HMBOX1: variants seen among roughly 807,000 people sequenced by gnomAD.
The protein encoded by HMBOX1 is homeobox-containing protein 1.
A neutral mutation model predicts 54.5 loss-of-function variants in HMBOX1; 14 were observed. That is an observed-to-expected ratio of 0.26 (90% CI 0.17 to 0.40). The LOEUF is 0.40. Ranked by LOEUF, HMBOX1 falls within the 10% of genes least tolerant of loss-of-function variation. HMBOX1 has a pLI of 1.00. For synonymous variants in HMBOX1, 160 were observed against 181.0 expected (o/e 0.88, Z 0.93); for missense variants, 332 against 514.4 (o/e 0.65, Z 3.43).
chr8:29,038,291 T>C (rs1804239757), intron 6 of HMBOX1, among the ~76,000 whole-genome samples: 1 of 152,222 alleles, frequency 6.6e-6, no homozygotes, highest in African/African-American at 2.4e-5. Context: ...TCATTTGGTT[T>C]CTCCCTGTGA....
At chr8:29,021,351 A>C (rs1196581595) in intron 6 of HMBOX1, among the ~76,000 whole-genome samples, 3 of 152,134 alleles carry the variant, frequency 2.0e-5, no homozygotes, top group Non-Finnish European at 4.4e-5. Context: ...AAAATCTAAA[A>C]ACAATAAAGG....
intron 1 of HMBOX1, among the ~76,000 whole-genome samples, chr8:28,900,307 C>A (rs1813015673): frequency 7.5e-6 from 1 of 132,490 alleles, no homozygotes; most frequent in Admixed American, 7.8e-5. Flanking sequence ...TTCCTGAGTT[C>A]TACCCCCAGA....
chr8:28,968,980 C>T (rs889228855), intron 2 of HMBOX1, among the ~76,000 whole-genome samples: 1 of 152,088 alleles, frequency 6.6e-6, no homozygotes, highest in African/African-American at 2.4e-5. Context: ...TTGAGATCAG[C>T]CTGGCCAACA....
intron 1 of HMBOX1, among the ~76,000 whole-genome samples, chr8:28,942,778 G>GT (rs1408163201): frequency 1.3e-5 from 2 of 151,942 alleles, no homozygotes; most frequent in Non-Finnish European, 2.9e-5. Flanking sequence ...CATTTAGGGT[G>GT]TTTCTGATCT....
At chr8:29,030,999 C>A (rs199570028) in intron 6 of HMBOX1, among the ~76,000 whole-genome samples, 1 of 152,298 alleles carries the variant, frequency 6.6e-6, no homozygotes, top group Middle Eastern at 3.4e-3. Context: ...GAATTGCTTC[C>A]TTCTTCCTTA....
intron 5 of HMBOX1, chr8:29,009,586 A>G: frequency 1.3e-6 from 1 of 780,382 alleles, no homozygotes; most frequent in Non-Finnish European, 1.5e-6. Flanking sequence ...TAATATTTTT[A>G]TTTAATTCAT....
chr8:29,025,054 A>G (rs1395454508), intron 6 of HMBOX1, among the ~76,000 whole-genome samples: 1 of 152,200 alleles, frequency 6.6e-6, no homozygotes, highest in Non-Finnish European at 1.5e-5. Context: ...TAGAGGAGGA[A>G]TAGATGGAGG....
chr8:28,990,892 G>C (rs1007876450), intron 4 of HMBOX1, among the ~76,000 whole-genome samples: 1 of 152,128 alleles, frequency 6.6e-6, no homozygotes, highest in Non-Finnish European at 1.5e-5. Flanking sequence ...GACTTCAAGT[G>C]ATCTGCCCAC....
At chr8:29,050,784 T>C (rs2133411266) in intron 9 of HMBOX1, 2 of 513,484 alleles carry the variant, frequency 3.9e-6, no homozygotes. Flanking sequence ...TTCTCAGTGA[T>C]GAAAAACATT....
intron 1 of HMBOX1, among the ~76,000 whole-genome samples, chr8:28,959,525 A>G (rs893275714): frequency 3.3e-5 from 5 of 152,244 alleles, no homozygotes; most frequent in African/African-American, 1.2e-4. Flanking sequence ...GTAAAACAGC[A>G]GATAAAGTGG....
intron 6 of HMBOX1, among the ~76,000 whole-genome samples, chr8:29,020,991 A>G (rs1801058194): frequency 6.6e-6 from 1 of 152,178 alleles, no homozygotes; most frequent in South Asian, 2.1e-4. Flanking sequence ...CCTGGGCAAC[A>G]TAGCAAAACC....
chr8:28,935,535 G>A (rs1820256495), intron 1 of HMBOX1, among the ~76,000 whole-genome samples: 2 of 152,128 alleles, frequency 1.3e-5, no homozygotes, highest in Non-Finnish European at 2.9e-5. Context: ...ACTATATACA[G>A]AAATTAAGTT....
chr8:28,985,140 T>TA (rs1466692640), intron 4 of HMBOX1, among the ~76,000 whole-genome samples: 1 of 152,180 alleles, frequency 6.6e-6, no homozygotes, highest in African/African-American at 2.4e-5. Flanking sequence ...TCTAACAAAA[T>TA]ACCATGAACT....
chr8:28,967,258 A>T (rs908280218), intron 2 of HMBOX1, among the ~76,000 whole-genome samples: 8 of 152,244 alleles, frequency 5.3e-5, no homozygotes, highest in African/African-American at 1.7e-4. Context: ...GTGCTTGGAA[A>T]GAATGAGGTG....
chr8:29,049,368 GAA>G, intron 9 of HMBOX1: 1 of 1,533,482 alleles, frequency 6.5e-7, no homozygotes, highest in Non-Finnish European at 8.7e-7. Context: ...GAAGGTAGAA[GAA>G]GAGAGGAGGA....
intron 6 of HMBOX1, chr8:29,042,548 A>G (rs1165911133): frequency 1.1e-5 from 5 of 435,654 alleles, no homozygotes; most frequent in Non-Finnish European, 2.3e-5. Flanking sequence ...AGACCAATAG[A>G]ATTCCCAACA....
At chr8:28,918,994 A>G (rs1003715136) in intron 1 of HMBOX1, among the ~76,000 whole-genome samples, 2 of 152,254 alleles carry the variant, frequency 1.3e-5, no homozygotes, top group Non-Finnish European at 2.9e-5. Flanking sequence ...TAGAAAAATT[A>G]GGGAATTAGA....
chr8:28,985,286 T>C (rs1829996265), intron 4 of HMBOX1, among the ~76,000 whole-genome samples: 1 of 152,152 alleles, frequency 6.6e-6, no homozygotes, highest in Admixed American at 6.5e-5. Flanking sequence ...TGTTCTCACG[T>C]AGTGGCAGGG....
chr8:28,988,753 T>C (rs1830515366), intron 4 of HMBOX1, among the ~76,000 whole-genome samples: 1 of 152,206 alleles, frequency 6.6e-6, no homozygotes, highest in Non-Finnish European at 1.5e-5. Flanking sequence ...CTGTCAAATC[T>C]TTTGTCTATT....
Sources: allele counts gnomAD v4.1 joint callset (sites outside exome capture counted in the v4.1 genomes callset), GRCh38; gene constraint gnomAD v4.1.1; transcripts MANE v1.5; gene names NCBI Gene and HGNC (gene_info 2026-07-23, HGNC 2026-07-21).